TSPEAR: variants seen among roughly 807,000 people sequenced by gnomAD.
TSPEAR encodes the protein thrombospondin-type laminin G domain and EAR repeat-containing protein.
Under a neutral mutation model 71.6 loss-of-function variants are expected in TSPEAR, and 69 were observed. That is an observed-to-expected ratio of 0.96 (90% CI 0.79 to 1.18). The LOEUF (loss-of-function observed/expected upper bound fraction) is 1.18. Among genes scored for constraint, TSPEAR ranks in the 50% most tolerant of loss-of-function variants. The pLI, the probability that TSPEAR is intolerant of heterozygous loss-of-function variation, is 0.00. For missense variants in TSPEAR, 971 were observed against 894.9 expected, an observed-to-expected ratio of 1.09 and a Z score of -1.09; for synonymous variants, 402 against 387.2, an observed-to-expected ratio of 1.04 and a Z score of -0.45.
intron 1 of TSPEAR, among the ~76,000 whole-genome samples, chr21:44,689,712 A>AATATATATATATATATAT (rs71199618): frequency 3.9e-4 from 24 of 62,048 alleles, no homozygotes; most frequent in African/African-American, 1.8e-3. Context: ...GAATAGAATG[A>AATATATATATATATATAT]ATATATATAT....
At chr21:44,706,150 G>A (rs1987902505) in intron 1 of TSPEAR, among the ~76,000 whole-genome samples, 2 of 152,168 alleles carry the variant, frequency 1.3e-5, no homozygotes, top group African/African-American at 4.8e-5. Context: ...CCTTCCCAGT[G>A]CCCACCAACC....
rs148404725 is a variant in TSPEAR, at chr21:44,506,441, G to A, written c.1755-1560C>T. Reference sequence around the variant, plus strand: ...TCAGGCAGCAGAGGGGCCTCATCCCGGTGCTTCCCTGCAGGCAGTTGTGGG... The same window carrying A: ...TCAGGCAGCAGAGGGGCCTCATCCCAGTGCTTCCCTGCAGGCAGTTGTGGG... On this transcript the variant is annotated intron_variant, in intron 10 of 11. Coordinates refer to ENST00000323084, the MANE Select transcript of TSPEAR (RefSeq NM_144991.3). The surrounding 1 kb of genome is among the most constrained non-coding windows in gnomAD (Gnocchi z 4.2). Among the ~76,000 whole-genome samples, 158 of 152,362 alleles carry A rather than the reference G, an allele frequency of 1.0e-3. 1 individual carries two copies. The East Asian group carries it at 0.014, about 14-fold the overall frequency.
At position 44,617,858 on chromosome 21, in the gene TSPEAR, C is replaced by A. The variant is rs587740627; in HGVS notation, c.83-49853G>T. On this transcript the variant is annotated intron_variant, in intron 1 of 11. Transcript: ENST00000323084. Reference sequence around the variant, plus strand: ...CTTCTGTGTGTGTTTCCACTATATACCTTTCCACACTCAGATATGTGTTTG... The same window carrying A: ...CTTCTGTGTGTGTTTCCACTATATAACTTTCCACACTCAGATATGTGTTTG... Among the ~76,000 whole-genome samples the A allele has an allele frequency of 7.9e-5, 12 of 152,346 alleles. No individual in the cohort carries two copies. In the East Asian group the frequency reaches 2.3e-3, roughly 29 times the overall value.
chr21:44,698,411 G>A (rs947568653), intron 1 of TSPEAR, among the ~76,000 whole-genome samples: 2 of 152,230 alleles, frequency 1.3e-5, no homozygotes, highest in Non-Finnish European at 2.9e-5. Flanking sequence ...ACACACATTA[G>A]TCTGGCACTG....
intron 1 of TSPEAR, chr21:44,646,532 G>A: frequency 6.2e-7 from 1 of 1,612,712 alleles, no homozygotes; most frequent in Non-Finnish European, 8.5e-7. Flanking sequence ...TGCCCAGAGA[G>A]CTGCTGTGAG....
At chr21:44,629,280 A>C (rs781882734) in intron 1 of TSPEAR, among the ~76,000 whole-genome samples, 12 of 152,168 alleles carry the variant, frequency 7.9e-5, no homozygotes, top group Non-Finnish European at 1.3e-4. Flanking sequence ...GCTGTGACAA[A>C]GTCCACGGAC....
chr21:44,552,708 G>C (rs941004003), intron 2 of TSPEAR, among the ~76,000 whole-genome samples: 1 of 152,200 alleles, frequency 6.6e-6, no homozygotes, highest in East Asian at 1.9e-4. Context: ...CTGGCCATGT[G>C]CACCGGCTGG....
chr21:44,524,769 G>C (rs2052814067), intron 8 of TSPEAR, among the ~76,000 whole-genome samples: 1 of 151,236 alleles, frequency 6.6e-6, no homozygotes, highest in African/African-American at 2.4e-5. Context: ...AGTCAGTCAG[G>C]TAATTAGTAG....
At chr21:44,570,633 G>T (rs2053779106) in intron 1 of TSPEAR, among the ~76,000 whole-genome samples, 1 of 152,174 alleles carries the variant, frequency 6.6e-6, no homozygotes, top group Admixed American at 6.5e-5. Flanking sequence ...CAACATAGGA[G>T]CTTTGCCTTG....
At chr21:44,558,360 C>G in intron 2 of TSPEAR, 1 of 1,612,692 alleles carries the variant, frequency 6.2e-7, no homozygotes, top group Non-Finnish European at 8.5e-7. Flanking sequence ...GGGCTTGCAG[C>G]AGACAGGCTT....
At chr21:44,659,091 C>T (rs1404606069) in intron 1 of TSPEAR, among the ~76,000 whole-genome samples, 1 of 152,164 alleles carries the variant, frequency 6.6e-6, no homozygotes, top group East Asian at 1.9e-4. Flanking sequence ...CTGCCTAAGA[C>T]TGACACTGGA....
chr21:44,565,919 A>G (rs1316656688), intron 2 of TSPEAR, among the ~76,000 whole-genome samples: 1 of 152,224 alleles, frequency 6.6e-6, no homozygotes, highest in Non-Finnish European at 1.5e-5. Flanking sequence ...ACAGAAATCA[A>G]TGGTATTTCA....
intron 1 of TSPEAR, among the ~76,000 whole-genome samples, chr21:44,621,770 G>A (rs1030737263): frequency 3.3e-5 from 5 of 152,238 alleles, no homozygotes; most frequent in Non-Finnish European, 5.9e-5. Flanking sequence ...GAAAGCTTTT[G>A]ATGTTAGATT....
chr21:44,500,105 C>T (rs1555910963), intron 11 of TSPEAR, among the ~76,000 whole-genome samples, 169 bp from the exon 12 acceptor site: 1 of 152,206 alleles, frequency 6.6e-6, no homozygotes, highest in Non-Finnish European at 1.5e-5. Context: ...GCCATGAGGG[C>T]CTTCTCATCT....
At chr21:44,649,856 C>T (rs1273549640) in intron 1 of TSPEAR, among the ~76,000 whole-genome samples, 3 of 152,194 alleles carry the variant, frequency 2.0e-5, no homozygotes, top group South Asian at 4.1e-4. Context: ...AGCCCACTGA[C>T]GCACAGAGGA....
intron 1 of TSPEAR, among the ~76,000 whole-genome samples, chr21:44,615,632 C>G (rs782517667): frequency 7.9e-5 from 12 of 151,906 alleles, no homozygotes; most frequent in Admixed American, 2.0e-4. Flanking sequence ...GCACCTCCCC[C>G]GGGTCTCTCT....
At chr21:44,517,124 T>G (rs2052599322) in intron 9 of TSPEAR, 1 of 152,456 alleles carries the variant, frequency 6.6e-6, no homozygotes, top group Non-Finnish European at 1.5e-5. Flanking sequence ...CTCCGTGGAC[T>G]CCACAGCCCC....
chr21:44,519,126 T>C (rs1167002597), intron 9 of TSPEAR: 2 of 154,040 alleles, frequency 1.3e-5, no homozygotes, highest in Non-Finnish European at 2.9e-5. Flanking sequence ...CCTCCCGGGT[T>C]CACGCCATTC....
intron 2 of TSPEAR, among the ~76,000 whole-genome samples, chr21:44,563,204 A>T (rs1555921321): frequency 6.6e-6 from 1 of 152,160 alleles, no homozygotes; most frequent in Non-Finnish European, 1.5e-5. Context: ...CTAATATAAC[A>T]AATGATATAA....
Sources: allele counts gnomAD v4.1 joint callset (sites outside exome capture counted in the v4.1 genomes callset), GRCh38; gene constraint gnomAD v4.1.1; non-coding constraint Gnocchi (gnomAD v3.1); transcripts MANE v1.5; gene names NCBI Gene and HGNC (gene_info 2026-07-23, HGNC 2026-07-21).